Variants in ADAMTSL1 observed in about 807,000 individuals in gnomAD.
The protein encoded by ADAMTSL1 is ADAMTS-like protein 1.
Under a neutral mutation model 201.8 loss-of-function variants are expected in ADAMTSL1, and 126 were observed. The ratio of observed to expected loss-of-function variants is 0.62; its 90% CI spans 0.54 to 0.72. The LOEUF is 0.72. Among genes scored for constraint, ADAMTSL1 ranks in the 30% least tolerant of loss-of-function variants. ADAMTSL1 has a pLI of 0.00. For synonymous variants in ADAMTSL1, 1,121 were observed against 903.4 expected (o/e 1.24, Z -4.32); for missense variants, 2,679 against 2,277.8 (o/e 1.18, Z -3.59).
chr9:18,290,371 T>A (rs937752296), intron 2 of ADAMTSL1, among the ~76,000 whole-genome samples: 3 of 151,852 alleles, frequency 2.0e-5, no homozygotes, highest in African/African-American at 4.8e-5. Context: ...AGGAGACGTG[T>A]ATTCCCACTA....
In ADAMTSL1 at chr9:18,707,178, T is replaced by A; in HGVS notation, c.1876+130T>A. 4.2e-6 allele frequency: 5 copies of A among 1,193,844 alleles called. No individual in the cohort carries two copies. In the South Asian group the frequency reaches 7.9e-5, roughly 19 times the overall value. 74.0% of individuals were successfully genotyped at this position (1,193,844 alleles called of 1,614,324 possible). Reference sequence around the variant, plus strand: ...CAGGAGGAGGAGGGGAGGCAGCCATTCTAAATGTAAAGCACACTGAATCAA... The same window carrying A: ...CAGGAGGAGGAGGGGAGGCAGCCATACTAAATGTAAAGCACACTGAATCAA... On this transcript the variant is annotated intron_variant, in intron 14 of 28. Coordinates refer to ENST00000380548, the MANE Select transcript of ADAMTSL1 (RefSeq NM_001040272.6).
intron 2 of ADAMTSL1, among the ~76,000 whole-genome samples, chr9:18,348,326 G>T (rs956319973): frequency 5.9e-5 from 9 of 152,084 alleles, no homozygotes; most frequent in African/African-American, 1.9e-4. Flanking sequence ...AGCCACATTT[G>T]CACACATCTT....
intron 16 of ADAMTSL1, among the ~76,000 whole-genome samples, chr9:18,760,308 C>A (rs534470652): frequency 6.6e-6 from 1 of 152,272 alleles, no homozygotes; most frequent in Non-Finnish European, 1.5e-5. Flanking sequence ...ACTCATCAAA[C>A]CCTTACAAAC....
chr9:18,655,639 T>TA (rs1828587744), intron 7 of ADAMTSL1, among the ~76,000 whole-genome samples: 1 of 151,470 alleles, frequency 6.6e-6, no homozygotes, highest in Admixed American at 6.6e-5. Context: ...ACAAAAAAAG[T>TA]AAAAAACAAA....
intron 7 of ADAMTSL1, among the ~76,000 whole-genome samples, chr9:18,644,688 T>G (rs932691259): frequency 4.6e-5 from 7 of 151,988 alleles, no homozygotes; most frequent in African/African-American, 1.7e-4. Context: ...ATTTCCAATT[T>G]CATCCATGTC....
intron 1 of ADAMTSL1, among the ~76,000 whole-genome samples, chr9:17,975,980 C>T (rs1053550766): frequency 6.6e-6 from 1 of 152,040 alleles, no homozygotes; most frequent in African/African-American, 2.4e-5. Context: ...AGGAACTAGC[C>T]TTCCCCGACT....
chr9:18,637,397 C>G (rs1243899619), intron 6 of ADAMTSL1, among the ~76,000 whole-genome samples: 1 of 152,124 alleles, frequency 6.6e-6, no homozygotes, highest in Non-Finnish European at 1.5e-5. Flanking sequence ...ATAAAATATT[C>G]AGGCCAAGAA....
At chr9:17,908,048 A>C (rs1825792528) in intron 1 of ADAMTSL1, among the ~76,000 whole-genome samples, 1 of 152,052 alleles carries the variant, frequency 6.6e-6, no homozygotes, top group Non-Finnish European at 1.5e-5. Context: ...CTATTTTAAA[A>C]TTTTGATTGC....
At chr9:18,866,548 C>G (rs1378446338) in intron 23 of ADAMTSL1, among the ~76,000 whole-genome samples, 6 of 152,138 alleles carry the variant, frequency 3.9e-5, no homozygotes, top group Non-Finnish European at 8.8e-5. Context: ...TGAAAGTGGA[C>G]TTTCCTAAAA....
intron 8 of ADAMTSL1, among the ~76,000 whole-genome samples, chr9:18,660,198 T>C (rs1828989162): frequency 6.6e-6 from 1 of 152,210 alleles, no homozygotes; most frequent in Non-Finnish European, 1.5e-5. Flanking sequence ...AGGAAGACTG[T>C]TCTGAGTGAA....
intron 2 of ADAMTSL1, among the ~76,000 whole-genome samples, chr9:18,248,860 T>C (rs1358354358): frequency 6.6e-6 from 1 of 152,216 alleles, no homozygotes; most frequent in Non-Finnish European, 1.5e-5. Flanking sequence ...TATTATATTT[T>C]TTCTTACATA....
chr9:18,318,554 T>C (rs972872189), intron 2 of ADAMTSL1, among the ~76,000 whole-genome samples: 3 of 152,188 alleles, frequency 2.0e-5, no homozygotes, highest in African/African-American at 7.2e-5. Context: ...TTTAGCAACC[T>C]GATATACATT....
chr9:18,075,513 G>GT (rs1295491830), intron 1 of ADAMTSL1, among the ~76,000 whole-genome samples: 1 of 151,926 alleles, frequency 6.6e-6, no homozygotes, highest in East Asian at 1.9e-4. Flanking sequence ...TTTGAAGTCA[G>GT]TTTCAATATA....
At chr9:17,927,703 G>A (rs746032320) in intron 1 of ADAMTSL1, among the ~76,000 whole-genome samples, 6 of 151,930 alleles carry the variant, frequency 3.9e-5, no homozygotes. Context: ...GGTATTATAA[G>A]TAATTTAGAG....
chr9:17,982,307 T>A (rs1477257816), intron 1 of ADAMTSL1, among the ~76,000 whole-genome samples: 1 of 152,108 alleles, frequency 6.6e-6, no homozygotes, highest in African/African-American at 2.4e-5. Context: ...ATGGAAAGAC[T>A]ATGAATACAA....
chr9:17,961,649 T>A (rs1817756965), intron 1 of ADAMTSL1, among the ~76,000 whole-genome samples: 1 of 152,214 alleles, frequency 6.6e-6, no homozygotes, highest in Admixed American at 6.6e-5. Flanking sequence ...ATATTCAGTT[T>A]GCTGATTTGA....
At chr9:18,868,839 A>T (rs1202572076) in intron 23 of ADAMTSL1, among the ~76,000 whole-genome samples, 1 of 152,070 alleles carries the variant, frequency 6.6e-6, no homozygotes. Flanking sequence ...TTGTCTCATC[A>T]ATTTGTCTAG....
intron 1 of ADAMTSL1, among the ~76,000 whole-genome samples, chr9:18,076,871 A>C (rs1041516170): frequency 3.9e-5 from 6 of 152,172 alleles, no homozygotes; most frequent in African/African-American, 1.4e-4. Flanking sequence ...GGTGGTATTA[A>C]GGAGGCTTTT....
At chr9:18,462,726 G>T (rs1820854035) in intron 2 of ADAMTSL1, among the ~76,000 whole-genome samples, 2 of 151,964 alleles carry the variant, frequency 1.3e-5, no homozygotes, top group Non-Finnish European at 2.9e-5. Context: ...ATTACCTGAG[G>T]TCAGGAGTTT....
Sources: gnomAD v4.1 joint callset for allele counts (sites outside exome capture counted in the v4.1 genomes callset) on GRCh38, gnomAD v4.1.1 for gene constraint, MANE v1.5 for transcripts, NCBI Gene and HGNC (gene_info 2026-07-23, HGNC 2026-07-21) for gene names.